Variants in DIAPH3 observed in about 807,000 individuals in gnomAD.
DIAPH3 encodes the protein protein diaphanous homolog 3.
A neutral mutation model predicts 144.3 loss-of-function variants in DIAPH3; 117 were observed. The ratio of observed to expected loss-of-function variants is 0.81; its 90% confidence interval spans 0.70 to 0.95. The LOEUF (loss-of-function observed/expected upper bound fraction) is 0.95. DIAPH3 is among the 40% of genes least tolerant of loss of function. DIAPH3 has a pLI of 0.00. For missense variants in DIAPH3, 1,421 were observed against 1,412.7 expected, an observed-to-expected ratio of 1.01 and a Z score of -0.09; for synonymous variants, 519 against 488.9, an observed-to-expected ratio of 1.06 and a Z score of -0.81.
At chr13:59,877,618 CCTT>C (rs1427340865) in intron 21 of DIAPH3, among the ~76,000 whole-genome samples, 1 of 152,112 alleles carries the variant, frequency 6.6e-6, no homozygotes, top group Non-Finnish European at 1.5e-5. Context: ...TGCAGCTTAA[CCTT>C]CTTCCATACT....
chr13:59,962,187 T>G (rs9538536), intron 17 of DIAPH3, among the ~76,000 whole-genome samples: 109,394 of 152,100 alleles, frequency 0.72, 39,572 homozygotes, highest in African/African-American at 0.79. Flanking sequence ...CTGCACAAAT[T>G]AGAGAGTCTA....
At chr13:59,811,046 T>C in intron 24 of DIAPH3, 123 bp from the exon 25 acceptor site, 1 of 904,246 alleles carries the variant, frequency 1.1e-6, no homozygotes, top group South Asian at 1.7e-5. Context: ...TGGTGAGTTA[T>C]GTTAGTAATA....
chr13:59,996,791 C>A (rs1435913999), intron 9 of DIAPH3, among the ~76,000 whole-genome samples: 1 of 152,012 alleles, frequency 6.6e-6, no homozygotes, highest in Non-Finnish European at 1.5e-5. Flanking sequence ...AAAGGAAAAT[C>A]ATTAGAAGCC....
intron 5 of DIAPH3, among the ~76,000 whole-genome samples, chr13:60,023,680 C>T (rs1160622609): frequency 6.6e-6 from 1 of 151,900 alleles, no homozygotes; most frequent in Admixed American, 6.6e-5. Context: ...GACACCCAAC[C>T]GCCTCAGCCT....
chr13:60,084,015 T>C (rs71446860), intron 4 of DIAPH3, among the ~76,000 whole-genome samples: 26,054 of 128,984 alleles, frequency 0.2, 2,345 homozygotes, highest in African/African-American at 0.22. Context: ...GACAGATAGA[T>C]AGATAGATAG....
chr13:60,131,259 T>C (rs2138221696), intron 2 of DIAPH3, among the ~76,000 whole-genome samples: 1 of 151,458 alleles, frequency 6.6e-6, no homozygotes, highest in South Asian at 2.1e-4. Flanking sequence ...GGAGATCTTG[T>C]CTCTCCAAAA....
At chr13:59,807,952 G>A (rs2040278806) in intron 25 of DIAPH3, among the ~76,000 whole-genome samples, 1 of 151,708 alleles carries the variant, frequency 6.6e-6, no homozygotes, top group African/African-American at 2.4e-5. Context: ...CTAAATATTA[G>A]AATGCTTTTG....
chr13:59,709,048 A>C (rs1164343135), intron 27 of DIAPH3, among the ~76,000 whole-genome samples: 1 of 151,362 alleles, frequency 6.6e-6, no homozygotes, highest in African/African-American at 2.4e-5. Context: ...AAACTCTTTA[A>C]AATCTGTAAA....
At position 59,808,077 on chromosome 13, in the gene DIAPH3, AGAAAT is replaced by A. The variant is rs1211480860; in HGVS notation, c.3163+2706_3163+2710del. On this transcript the variant is annotated intron_variant, in intron 25 of 27. Coordinates refer to ENST00000400324, the MANE Select transcript of DIAPH3 (RefSeq NM_001042517.2). ...TATTATAAATAATCAAAACTAGAAA[AGAAAT>A]GAAGTTGATATGAAATCAGTGAAAG... 8.6e-5 allele frequency among the ~76,000 whole-genome samples: 13 copies of A among 151,858 alleles called. No homozygotes were observed. The East Asian group carries it at 1.9e-3, about 23-fold the overall frequency.
At chr13:59,951,985 A>G (rs1373643447) in intron 17 of DIAPH3, among the ~76,000 whole-genome samples, 3 of 152,346 alleles carry the variant, frequency 2.0e-5, no homozygotes, top group African/African-American at 7.2e-5. Context: ...ACTATCCACA[A>G]TAGCCAAAAG....
At chr13:59,710,054 A>T (rs925419904) in intron 27 of DIAPH3, among the ~76,000 whole-genome samples, 1 of 151,470 alleles carries the variant, frequency 6.6e-6, no homozygotes, top group African/African-American at 2.4e-5. Flanking sequence ...ATGAGAACAC[A>T]TGGACACAGG....
chr13:60,044,858 C>T (rs1438692540), intron 4 of DIAPH3, among the ~76,000 whole-genome samples: 1 of 152,082 alleles, frequency 6.6e-6, no homozygotes, highest in Admixed American at 6.6e-5. Flanking sequence ...CCATGCTGTC[C>T]TCATGATAGT....
At chr13:59,970,821 A>G in intron 16 of DIAPH3, 31 bp downstream of exon 16, 1 of 1,588,746 alleles carries the variant, frequency 6.3e-7, no homozygotes, top group Non-Finnish European at 8.6e-7. Context: ...AGATCTAAGT[A>G]AAAGTATTTT....
intron 17 of DIAPH3, among the ~76,000 whole-genome samples, chr13:59,968,615 G>A (rs1175987562): frequency 1.3e-5 from 2 of 151,994 alleles, no homozygotes; most frequent in Admixed American, 6.6e-5. Context: ...AGGATAAATG[G>A]TACTCAAAAA....
intron 1 of DIAPH3, among the ~76,000 whole-genome samples, chr13:60,140,981 T>C (rs988597511): frequency 6.6e-6 from 1 of 152,190 alleles, no homozygotes; most frequent in Non-Finnish European, 1.5e-5. Flanking sequence ...CTGTGAATTA[T>C]TGATGTTGTC....
Position 59,736,771 on chromosome 13 carries a change from C to T in DIAPH3, c.3319+37418G>A, listed in dbSNP as rs188752251. 2.0e-3 allele frequency among the ~76,000 whole-genome samples: 302 copies of T among 152,176 alleles called. 2 individuals are homozygous for T. Among genetic ancestry groups the T allele is most frequent in the Middle Eastern group, 0.01 (3 of 294 alleles). On this transcript the variant is annotated intron_variant, in intron 27 of 27. Transcript: ENST00000400324. ...CCAACTTCAAACTATACAACAGGGC[C>T]ACAGTAACCAAAACTGCATAGTACT...
chr13:59,929,906 CA>C (rs1186345260), intron 17 of DIAPH3, among the ~76,000 whole-genome samples: 2 of 152,080 alleles, frequency 1.3e-5, no homozygotes, highest in Non-Finnish European at 1.5e-5. Context: ...TAGAGCAATC[CA>C]AAAGGTCTAA....
chr13:59,802,760 C>CA (rs1447616388), intron 25 of DIAPH3, among the ~76,000 whole-genome samples: 1 of 134,796 alleles, frequency 7.4e-6, no homozygotes, highest in Non-Finnish European at 1.6e-5. Context: ...CGGCTCACTG[C>CA]AAGCTCCGCT....
chr13:60,029,501 T>G (rs73549737), intron 5 of DIAPH3, among the ~76,000 whole-genome samples: 2 of 152,084 alleles, frequency 1.3e-5, no homozygotes, highest in African/African-American at 4.8e-5. Context: ...GGATCATGGG[T>G]GTGGTTTCCC....
Sources: gnomAD v4.1 joint callset for allele counts (sites outside exome capture counted in the v4.1 genomes callset) on GRCh38, gnomAD v4.1.1 for gene constraint, MANE v1.5 for transcripts, NCBI Gene and HGNC (gene_info 2026-07-23, HGNC 2026-07-21) for gene names.